ATF3: variants seen among roughly 807,000 people sequenced by gnomAD.
The protein encoded by ATF3 is activating transcription factor 3, also known as cyclic AMP-dependent transcription factor ATF-3.
In ATF3, 10 loss-of-function variants were observed where a neutral mutation model predicts 18.4. That is an observed-to-expected ratio of 0.54 (90% CI 0.34 to 0.92). The LOEUF (loss-of-function observed/expected upper bound fraction) is 0.92, where lower values mean the gene tolerates loss of function less well. Ranked by LOEUF, ATF3 falls within the 40% of genes least tolerant of loss-of-function variation. The probability of loss-of-function intolerance (pLI) is 0.02; values close to 1 mark genes in which losing one functional copy is unlikely to be tolerated. For synonymous variants in ATF3, 78 were observed against 87.9 expected (o/e 0.89, Z 0.63); for missense variants, 183 against 222.3 (o/e 0.82, Z 1.12).
At chr1:212,582,596 G>A (rs753799728) in intron 1 of ATF3, among the ~76,000 whole-genome samples, 6 of 152,110 alleles carry the variant, frequency 3.9e-5, no homozygotes, top group Admixed American at 2.0e-4. Context: ...GAAGGCTTGG[G>A]CTTCCGTCCC....
At chr1:212,594,327 T>C (rs866256726) in intron 1 of ATF3, among the ~76,000 whole-genome samples, 8 of 152,296 alleles carry the variant, frequency 5.3e-5, no homozygotes, top group South Asian at 2.1e-4. Flanking sequence ...CTAGCTGGGA[T>C]TCATTATTTT....
intron 1 of ATF3, among the ~76,000 whole-genome samples, chr1:212,591,512 G>A (rs1360718487): frequency 1.3e-5 from 2 of 152,158 alleles, no homozygotes; most frequent in East Asian, 3.9e-4. Flanking sequence ...CGATGGCCAA[G>A]GATTGGCCAT....
At chr1:212,597,536 C>A (rs556570718) in intron 1 of ATF3, among the ~76,000 whole-genome samples, 1 of 152,212 alleles carries the variant, frequency 6.6e-6, no homozygotes, top group South Asian at 2.1e-4. Context: ...CATATCAACC[C>A]TGCAAGGTGG....
chr1:212,604,271 C>T (rs563980181), upstream of ATF3, among the ~76,000 whole-genome samples: 11 of 152,280 alleles, frequency 7.2e-5, no homozygotes, highest in South Asian at 2.1e-4. Context: ...GATGAATCCC[C>T]GGTCTCCTGA....
At position 212,619,314 on chromosome 1, in the gene ATF3, G is replaced by A. The variant is rs1655269501; in HGVS notation, c.349-44G>A. On this transcript the variant is annotated intron_variant, in intron 3 of 3. Coordinates refer to ENST00000341491, the MANE Select transcript of ATF3 (RefSeq NM_001674.4). This position sits in a 1 kb window ranked among gnomAD's most constrained non-coding sequence, Gnocchi z 4.4. Reference sequence around the variant, plus strand: ...CAGCCCAGGCCACCCCCTCCTCACTGGCCCTTGGCTCCTTTCTTGATGCCT... The same window carrying A: ...CAGCCCAGGCCACCCCCTCCTCACTAGCCCTTGGCTCCTTTCTTGATGCCT... 1.9e-6 allele frequency: 3 copies of A among 1,612,072 alleles called. No homozygotes were observed.
chr1:212,613,041 C>T (rs578113679), intron 1 of ATF3, among the ~76,000 whole-genome samples: 7 of 152,274 alleles, frequency 4.6e-5, no homozygotes, highest in South Asian at 2.1e-4. Context: ...GAAAAAGCCA[C>T]GGGGAGGTAC....
Position 212,615,038 on chromosome 1 carries a change from C to T in ATF3, c.17C>T (p.Pro6Leu). 2 of 1,614,194 alleles carry T rather than the reference C, an allele frequency of 1.2e-6. No individual in the cohort carries two copies. Among genetic ancestry groups the T allele is most frequent in the Non-Finnish European group, 1.7e-6 (2 of 1,180,042 alleles). ...TTCAGCAAAATGATGCTTCAACACC[C>T]AGGCCAGGTCTCTGCCTCGGAAGTG... MMLQH[P>L]GQVSASEVSA... The change falls in exon 2 of 4, where the codon CCA becomes CTA. Residue 6 changes from proline to leucine, a missense_variant. Transcript: ENST00000341491.
intron 1 of ATF3, among the ~76,000 whole-genome samples, chr1:212,586,390 T>C (rs112001612): frequency 6.6e-6 from 1 of 152,210 alleles, no homozygotes; most frequent in African/African-American, 2.4e-5. Context: ...TCTTAGGACA[T>C]GGCACTTTCT....
upstream of ATF3, among the ~76,000 whole-genome samples, chr1:212,607,446 A>G (rs1180852921): frequency 6.6e-6 from 1 of 152,214 alleles, no homozygotes; most frequent in African/African-American, 2.4e-5. Flanking sequence ...CTCTCTGAGC[A>G]GAAATTGTTG....
Position 212,619,391 on chromosome 1 carries a change from C to G in ATF3, c.382C>G (p.Leu128Val). Residue 128 changes from leucine (L) to valine (V), a missense_variant, in exon 4 of 4, where the codon CTG (leucine) becomes GTG (valine). Transcript: ENST00000341491. The surrounding 1 kb of genome is among the most constrained non-coding windows in gnomAD (Gnocchi z 4.4). ...SEKLESVNAE[L>V]KAQIEELKNE... ...GAAGCTGGAAAGTGTGAATGCTGAACTGAAGGCTCAGATTGAGGAGCTCAA... is the reference window on the plus strand; with the variant it reads ...GAAGCTGGAAAGTGTGAATGCTGAAGTGAAGGCTCAGATTGAGGAGCTCAA... 1 of 1,613,916 alleles carries G rather than the reference C, an allele frequency of 6.2e-7. No homozygotes were observed. The highest frequency in any genetic ancestry group is 8.5e-7 in the Non-Finnish European group (1 of 1,180,032).
chr1:212,602,507 A>G (rs1048941022), intron 1 of ATF3, among the ~76,000 whole-genome samples: 5 of 152,164 alleles, frequency 3.3e-5, no homozygotes, highest in African/African-American at 1.2e-4. Flanking sequence ...TCCCGTGAGC[A>G]CTTGCCAGGA....
chr1:212,570,252 A>C (rs1664456125), intron 1 of ATF3, among the ~76,000 whole-genome samples: 1 of 151,450 alleles, frequency 6.6e-6, no homozygotes, highest in Non-Finnish European at 1.5e-5. Flanking sequence ...GAATCTGTCA[A>C]TTTTTTTTTC....
At chr1:212,572,199 C>G (rs1664496827) in intron 1 of ATF3, among the ~76,000 whole-genome samples, 1 of 152,130 alleles carries the variant, frequency 6.6e-6, no homozygotes, top group Non-Finnish European at 1.5e-5. Flanking sequence ...AGGCCCCAGT[C>G]TCATCATTCC....
chr1:212,569,866 T>C (rs1664449370), intron 1 of ATF3, among the ~76,000 whole-genome samples: 1 of 152,168 alleles, frequency 6.6e-6, no homozygotes, highest in South Asian at 2.1e-4. Flanking sequence ...ACTTTAAATA[T>C]ATTTCCTCAA....
chr1:212,575,210 C>A (rs796488979), intron 1 of ATF3, among the ~76,000 whole-genome samples: 3 of 152,100 alleles, frequency 2.0e-5, no homozygotes, highest in Admixed American at 6.5e-5. Context: ...TTTAGGTCTT[C>A]TTGTATTTTA....
intron 1 of ATF3, among the ~76,000 whole-genome samples, chr1:212,597,099 A>G (rs1654301475): frequency 6.6e-6 from 1 of 152,216 alleles, no homozygotes; most frequent in African/African-American, 2.4e-5. Flanking sequence ...AGTGTTGGAA[A>G]TTGAGAGAAA....
chr1:212,576,454 A>G (rs1002048715), intron 1 of ATF3, among the ~76,000 whole-genome samples: 1 of 151,448 alleles, frequency 6.6e-6, no homozygotes, highest in Admixed American at 6.6e-5. Context: ...TTATTTTCTT[A>G]TTTCTAGTTT....
rs1655305116 is a variant in ATF3 at position 212,619,949 on chromosome 1, C to T, written c.*394C>T. Reference sequence around the variant, plus strand: ...GGGGCCATCTCCTTCACCGTGGCTACCATTGTCACTCGTAGGGGATGTGGA... The same window carrying T: ...GGGGCCATCTCCTTCACCGTGGCTATCATTGTCACTCGTAGGGGATGTGGA... On this transcript the variant is annotated 3_prime_UTR_variant, in exon 4 of 4. Coordinates refer to ENST00000341491, the MANE Select transcript of ATF3 (RefSeq NM_001674.4). This position sits in a 1 kb window ranked among gnomAD's most constrained non-coding sequence, Gnocchi z 4.4. 1 of 279,006 alleles carries T rather than the reference C, an allele frequency of 3.6e-6. No individual in the cohort carries two copies. The allele number at this position is 279,006 out of a possible 1,614,324, so 17.3% of individuals were successfully genotyped here. A position where few individuals can be genotyped will look rare whatever the true frequency, so the allele number is the denominator to read the frequency against.
At chr1:212,603,304 G>C (rs529363058) in intron 1 of ATF3, among the ~76,000 whole-genome samples, 45 of 152,290 alleles carry the variant, frequency 3.0e-4, no homozygotes, top group Admixed American at 5.9e-4. Flanking sequence ...TCTGCTTCAA[G>C]GTAGATGAAG....
Sources: gnomAD v4.1 joint callset for allele counts (sites outside exome capture counted in the v4.1 genomes callset) on GRCh38, gnomAD v4.1.1 for gene constraint, Gnocchi (gnomAD v3.1) non-coding constraint, MANE v1.5 for transcripts, NCBI Gene and HGNC (gene_info 2026-07-23, HGNC 2026-07-21) for gene names.